The following WDPCP variants were observed in gnomAD, a reference collection of about 807,000 sequenced individuals.
The protein encoded by WDPCP is WD repeat-containing and planar cell polarity effector protein fritz homolog.
In WDPCP, 71 loss-of-function variants were observed where a neutral mutation model predicts 93.1. The ratio of observed to expected loss-of-function variants is 0.76; its 90% CI spans 0.63 to 0.93. The LOEUF (loss-of-function observed/expected upper bound fraction) is 0.93, where lower values mean the gene tolerates loss of function less well. Ranked by LOEUF, WDPCP falls within the 40% of genes least tolerant of loss-of-function variation. The pLI is 0.00. For synonymous variants in WDPCP, 315 were observed against 315.0 expected, an observed-to-expected ratio of 1.00 and a Z score of 0.00; for missense variants, 844 against 887.4, an observed-to-expected ratio of 0.95 and a Z score of 0.62.
At chr2:63,345,846 C>T (rs1454831414) in intron 12 of WDPCP, among the ~76,000 whole-genome samples, 4 of 152,176 alleles carry the variant, frequency 2.6e-5, no homozygotes, top group Admixed American at 2.6e-4. Flanking sequence ...AGTACCTACT[C>T]CCCTCTCTCA....
chr2:63,452,184 T>G (rs1698296142), intron 6 of WDPCP, among the ~76,000 whole-genome samples: 1 of 152,194 alleles, frequency 6.6e-6, no homozygotes, highest in East Asian at 1.9e-4. Context: ...ATTGTATATC[T>G]AGAAAACCCC....
At chr2:63,174,241 TG>T (rs1559174543) in intron 15 of WDPCP, among the ~76,000 whole-genome samples, 1 of 152,080 alleles carries the variant, frequency 6.6e-6, no homozygotes, top group African/African-American at 2.4e-5. Context: ...AATAACCCCA[TG>T]TAGCAAACTG....
At chr2:63,750,628 T>G (rs1669865088) in intron 2 of WDPCP, among the ~76,000 whole-genome samples, 1 of 152,200 alleles carries the variant, frequency 6.6e-6, no homozygotes, top group African/African-American at 2.4e-5. Flanking sequence ...AGTGTGAGGT[T>G]AGCTCTAGGT....
At chr2:63,171,318 T>A (rs1053470390) in intron 15 of WDPCP, among the ~76,000 whole-genome samples, 1 of 152,212 alleles carries the variant, frequency 6.6e-6, no homozygotes, top group African/African-American at 2.4e-5. Context: ...ATAAGGAACT[T>A]GTATTCAGAA....
At chr2:63,796,938 C>A (rs1558912972) in intron 2 of WDPCP, among the ~76,000 whole-genome samples, 1 of 152,120 alleles carries the variant, frequency 6.6e-6, no homozygotes, top group Non-Finnish European at 1.5e-5. Context: ...AGGAAAGATT[C>A]TTTCCTTCTG....
chr2:63,540,372 T>C (rs1002566097), intron 1 of WDPCP, among the ~76,000 whole-genome samples: 7 of 152,274 alleles, frequency 4.6e-5, no homozygotes, highest in African/African-American at 1.7e-4. Flanking sequence ...TCAGAGTAGA[T>C]AATTATGTAC....
chr2:63,371,535 C>G (rs1161607545), intron 12 of WDPCP, among the ~76,000 whole-genome samples: 1 of 152,142 alleles, frequency 6.6e-6, no homozygotes, highest in African/African-American at 2.4e-5. Flanking sequence ...TGCTGCCTCT[C>G]TGACCCATTG....
At chr2:63,686,791 G>C (rs1575747611) in intron 2 of WDPCP, among the ~76,000 whole-genome samples, 1 of 152,124 alleles carries the variant, frequency 6.6e-6, no homozygotes, top group Admixed American at 6.5e-5. Context: ...ACTCATTTTT[G>C]ACAAAGTTGC....
intron 1 of WDPCP, among the ~76,000 whole-genome samples, chr2:63,528,528 G>T (rs11125970): frequency 2.0e-5 from 3 of 152,148 alleles, no homozygotes; most frequent in African/African-American, 7.2e-5. Context: ...GATAGTTGTA[G>T]ATGTGTGGTA....
At chr2:63,241,924 A>C (rs1031754212) in intron 14 of WDPCP, among the ~76,000 whole-genome samples, 3 of 152,296 alleles carry the variant, frequency 2.0e-5, no homozygotes, top group African/African-American at 7.2e-5. Flanking sequence ...TTTAGGAAGA[A>C]GATAACATAA....
chr2:63,189,359 C>T (rs920272863), intron 14 of WDPCP, among the ~76,000 whole-genome samples: 4 of 152,206 alleles, frequency 2.6e-5, no homozygotes, highest in Non-Finnish European at 2.9e-5. Flanking sequence ...AATGAACTCT[C>T]TTACCCTCTC....
At position 63,326,467 on chromosome 2, in the gene WDPCP, C is replaced by T. The variant is rs538555718; in HGVS notation, c.1749-13156G>A. Among the ~76,000 whole-genome samples, 3 of 152,142 alleles carry T rather than the reference C, an allele frequency of 2.0e-5. No homozygotes were observed. In the East Asian group the frequency reaches 5.8e-4, roughly 29 times the overall value. The stretch of plus-strand genomic sequence containing the variant: ...AGCGCCCAGTTAGCAGAACTAGTGG[C>T]ACTTACCTGAGCCTTAGAACTGGGA... On this transcript the variant is annotated intron_variant, in intron 12 of 17. Transcript: ENST00000272321.
chr2:63,392,527 T>C (rs1310019310), intron 10 of WDPCP, among the ~76,000 whole-genome samples: 2 of 152,060 alleles, frequency 1.3e-5, no homozygotes, highest in African/African-American at 2.4e-5. Context: ...AAAGCCAAAA[T>C]TGACAAATGG....
At chr2:63,637,378 C>A (rs1339985849) in intron 3 of WDPCP, among the ~76,000 whole-genome samples, 14 of 65,582 alleles carry the variant, frequency 2.1e-4, no homozygotes, top group South Asian at 4.5e-4. Context: ...AACAAAAAAA[C>A]AAAAACAAAG....
chr2:63,555,545 A>AC (rs144783439), intron 1 of WDPCP, among the ~76,000 whole-genome samples: 4,103 of 151,766 alleles, frequency 0.027, 96 homozygotes, highest in Non-Finnish European at 0.04. Flanking sequence ...ACTAGGTGAG[A>AC]CCCCCCCGCA....
At chr2:63,334,549 C>T (rs571310099) in intron 12 of WDPCP, among the ~76,000 whole-genome samples, 1 of 152,242 alleles carries the variant, frequency 6.6e-6, no homozygotes, top group South Asian at 2.1e-4. Context: ...TGATTAGCCT[C>T]TCCAAAGGAG....
intron 14 of WDPCP, among the ~76,000 whole-genome samples, chr2:63,179,254 G>T (rs1383142878): frequency 2.0e-5 from 3 of 151,302 alleles, no homozygotes; most frequent in African/African-American, 7.3e-5. Flanking sequence ...AAAGAAAAGG[G>T]GTTTAATTGA....
chr2:63,481,222 A>C (rs1700250128), intron 6 of WDPCP, among the ~76,000 whole-genome samples: 1 of 152,092 alleles, frequency 6.6e-6, no homozygotes, highest in South Asian at 2.1e-4. Context: ...AATGGCCATA[A>C]TCAAAAAATA....
intron 12 of WDPCP, among the ~76,000 whole-genome samples, chr2:63,362,277 T>TGTGTGTGTGTGTGTG (rs1553362984): frequency 1.1e-5 from 1 of 94,108 alleles, no homozygotes; most frequent in African/African-American, 4.6e-5. Flanking sequence ...TTTTTTTTGG[T>TGTGTGTGTGTGTGTG]TGTGTGTGTG....
Sources: gnomAD v4.1 joint callset for allele counts (sites outside exome capture counted in the v4.1 genomes callset) on GRCh38, gnomAD v4.1.1 for gene constraint, MANE v1.5 for transcripts, NCBI Gene and HGNC (gene_info 2026-07-23, HGNC 2026-07-21) for gene names.